The following TRPM8 variants were observed in gnomAD, a reference collection of about 807,000 sequenced individuals.
The protein encoded by TRPM8 is TRPM8 cationic channel.
A neutral mutation model predicts 133.7 loss-of-function variants in TRPM8; 110 were observed. That is an observed-to-expected ratio of 0.82 (90% confidence interval 0.70 to 0.96). The LOEUF (loss-of-function observed/expected upper bound fraction) is 0.96. TRPM8 is among the 40% of genes least tolerant of loss of function. The pLI is 0.00. For missense variants in TRPM8, 1,291 were observed against 1,379.5 expected (o/e 0.94, Z 1.02); for synonymous variants, 535 against 532.3 (o/e 1.01, Z -0.07).
At chr2:233,925,456 G>A (rs896848170) in intron 1 of TRPM8, among the ~76,000 whole-genome samples, 1 of 152,218 alleles carries the variant, frequency 6.6e-6, no homozygotes, top group African/African-American at 2.4e-5. Context: ...AGTGAGCTGA[G>A]CCTGGAGGAT....
intron 10 of TRPM8, chr2:233,954,920 C>T (rs1026569974): frequency 2.1e-6 from 1 of 483,420 alleles, no homozygotes; most frequent in Non-Finnish European, 3.7e-6. Context: ...ATTACTGTAG[C>T]CTGAGTTGAT....
intron 8 of TRPM8, among the ~76,000 whole-genome samples, chr2:233,948,740 TACCC>T (rs1402999463): frequency 6.6e-6 from 1 of 151,920 alleles, no homozygotes; most frequent in Non-Finnish European, 1.5e-5. Context: ...TAGGAGAAAA[TACCC>T]AGCCAGGGCC....
chr2:234,017,685 T>C lies in TRPM8; in HGVS notation c.*429T>C, dbSNP rs185803362. On this transcript the variant is annotated 3_prime_UTR_variant, in exon 26 of 26. Transcript: ENST00000324695. ...TTTTGTTCATTTCCAATTGATTCTCTACTTTTCCCTTTTTTGTATTATGTG... is the reference window on the plus strand; with the variant it reads ...TTTTGTTCATTTCCAATTGATTCTCCACTTTTCCCTTTTTTGTATTATGTG... 685 of 163,700 alleles carry C rather than the reference T, an allele frequency of 4.2e-3. 3 individuals carry two copies. Among genetic ancestry groups the C allele is most frequent in the African/African-American group, 0.016 (663 of 41,698 alleles). The allele number at this position is 163,700 out of a possible 1,614,324, so 10.1% of individuals were successfully genotyped here. A position where few individuals can be genotyped will look rare whatever the true frequency, so the allele number is the denominator to read the frequency against.
Position 233,983,154 on chromosome 2 carries a change from G to A in TRPM8, c.2691G>A (p.Arg897=), listed in dbSNP as rs1212893305. ...GILRQNEQRW[R]WIFRSVIYEP... is the part of the protein sequence containing the mutation. ...TTAGGCAGAATGAGCAGCGCTGGAG[G>A]TGGATATTCCGTTCGGTCATCTACG... Residue 897 remains arginine, a synonymous_variant, in exon 20 of 26, where the codon AGG becomes AGA. Coordinates refer to ENST00000324695, the MANE Select transcript of TRPM8 (RefSeq NM_024080.5). 2 of 1,614,176 alleles carry A rather than the reference G, an allele frequency of 1.2e-6. No homozygotes were observed. The highest frequency in any genetic ancestry group is 1.7e-5 in the Admixed American group (1 of 60,024).
intron 1 of TRPM8, among the ~76,000 whole-genome samples, chr2:233,926,113 C>G (rs975116109): frequency 2.0e-5 from 3 of 152,162 alleles, no homozygotes; most frequent in Non-Finnish European, 4.4e-5. Flanking sequence ...AGGCTGCTAG[C>G]CATAGTCTGC....
chr2:233,953,418 G>A (rs961476655), intron 9 of TRPM8, among the ~76,000 whole-genome samples: 5 of 152,164 alleles, frequency 3.3e-5, no homozygotes, highest in Admixed American at 6.5e-5. Context: ...TTTTTAAAAC[G>A]TCTTAAAATT....
At chr2:233,928,765 C>T (rs748237605) in intron 2 of TRPM8, among the ~76,000 whole-genome samples, 2 of 152,172 alleles carry the variant, frequency 1.3e-5, no homozygotes, top group Non-Finnish European at 2.9e-5. Context: ...TTGTGCCCAC[C>T]ACCAGCTTGA....
intron 22 of TRPM8, among the ~76,000 whole-genome samples, chr2:233,998,444 T>G (rs1385924207): frequency 6.6e-6 from 1 of 152,234 alleles, no homozygotes; most frequent in African/African-American, 2.4e-5. Context: ...ATCTTAGTAC[T>G]GAGAGTCCTG....
Position 233,930,686 on chromosome 2 carries a change from C to G in TRPM8, c.136C>G (p.Gln46Glu). The change falls in exon 3 of 26, where the codon CAA (glutamine) becomes GAA (glutamate). Residue 46 changes from glutamine to glutamate, a missense_variant. Gln to Glu is a conservative substitution (Grantham distance 29, BLOSUM62 2). This residue lies in a region of TRPM8 where 963 missense variants were observed against 968.9 expected (regional missense o/e 0.99). Coordinates refer to ENST00000324695, the MANE Select transcript of TRPM8 (RefSeq NM_024080.5). ...YSESDLVNFIQANFKKRECVF... is the reference protein window; with the variant it reads ...YSESDLVNFIEANFKKRECVF... ...TCCAAAGGACTTGGTGAATTTTATT[C>G]AAGCAAATTTTAAGAAACGAGAATG... 1 of 1,608,318 alleles carries G rather than the reference C, an allele frequency of 6.2e-7. No homozygotes were observed. Among genetic ancestry groups the G allele is most frequent in the Non-Finnish European group, 8.5e-7 (1 of 1,175,838 alleles).
In TRPM8 at chr2:233,932,211, G is replaced by A. The variant is rs538904255; in HGVS notation, c.191+1470G>A. On this transcript the variant is annotated intron_variant, in intron 3 of 25. Coordinates refer to ENST00000324695, the MANE Select transcript of TRPM8 (RefSeq NM_024080.5). ...CCAGATCCAGGGCTTCAACAACGTC[G>A]CCGAGACTCTGTCTCTTTCCACCTG... is the stretch of plus-strand genomic sequence containing the variant. 1.2e-4 allele frequency among the ~76,000 whole-genome samples: 18 copies of A among 152,314 alleles called. No homozygotes were observed. In the East Asian group the frequency reaches 3.5e-3, roughly 29 times the overall value.
chr2:233,980,389 A>G (rs1478938510), intron 18 of TRPM8, 110 bp downstream of exon 18: 7 of 681,344 alleles, frequency 1.0e-5, no homozygotes, highest in Admixed American at 3.4e-5. Context: ...ATTAGAGATT[A>G]TTACACAAGA....
chr2:233,955,592 GC>G (rs1368117256), intron 11 of TRPM8, among the ~76,000 whole-genome samples: 8 of 152,170 alleles, frequency 5.3e-5, no homozygotes, highest in Admixed American at 2.0e-4. Flanking sequence ...AAAAATATAT[GC>G]TAGATGATTG....
At chr2:234,012,781 C>T (rs1692873860) in intron 24 of TRPM8, among the ~76,000 whole-genome samples, 1 of 151,436 alleles carries the variant, frequency 6.6e-6, no homozygotes, top group Admixed American at 6.6e-5. Context: ...TAGTAAGTTC[C>T]TTCTATATCG....
Position 233,963,286 on chromosome 2 carries a change from T to A in TRPM8, c.1658T>A (p.Val553Glu). ...CCACATGCTCTAACCCCCCAGGACG[T>A]GTCTCCTATTACTCGGCACCCCCTG... ...RDEMDIELHD[V>E]SPITRHPLQA... The change falls in exon 13 of 26, where the codon GTG becomes GAG. Residue 553 changes from valine (V) to glutamate (E), a missense_variant. Physicochemically the swap from Val to Glu is moderately radical, Grantham distance 121 (BLOSUM62 -2). Around this residue, in one of 2 missense-constraint regions of TRPM8, gnomAD observed 963 missense variants for 968.9 expected, o/e 0.99. Transcript: ENST00000324695. 6.2e-7 allele frequency: 1 copy of A among 1,611,380 alleles called. No individual in the cohort carries two copies. The highest frequency in any genetic ancestry group is 8.5e-7 in the Non-Finnish European group (1 of 1,177,888).
intron 22 of TRPM8, among the ~76,000 whole-genome samples, chr2:234,002,688 T>C (rs1236848750): frequency 6.6e-6 from 1 of 152,102 alleles, no homozygotes; most frequent in Non-Finnish European, 1.5e-5. Context: ...GAAAAGTCGC[T>C]GTTAGATAGG....
intron 6 of TRPM8, 94 bp downstream of exon 6, chr2:233,942,842 C>A: frequency 6.8e-7 from 1 of 1,463,032 alleles, no homozygotes; most frequent in Non-Finnish European, 9.6e-7. Context: ...TGTGATGGAG[C>A]CAGCCAGATC....
chr2:233,970,452 C>G, intron 17 of TRPM8, 26 bp downstream of exon 17: 1 of 1,602,778 alleles, frequency 6.2e-7, no homozygotes, highest in Non-Finnish European at 8.5e-7. Flanking sequence ...CAGCAGGAAC[C>G]CCCTCGCTTC....
At chr2:233,945,707 C>T (rs532114265) in intron 6 of TRPM8, 149 bp from the exon 7 acceptor site, 9 of 615,412 alleles carry the variant, frequency 1.5e-5, no homozygotes, top group African/African-American at 1.8e-5. Context: ...ACTATAAGAT[C>T]GCTAAGACCC....
At chr2:234,000,681 CTT>C (rs11312917) in intron 22 of TRPM8, among the ~76,000 whole-genome samples, 4,571 of 145,478 alleles carry the variant, frequency 0.031, 104 homozygotes, top group Non-Finnish European at 0.044. Context: ...AAGAAACAAC[CTT>C]TTTTTTTTTT....
Sources: allele counts gnomAD v4.1 joint callset (sites outside exome capture counted in the v4.1 genomes callset), GRCh38; gene constraint gnomAD v4.1.1; regional missense constraint gnomAD v4.1.1; transcripts MANE v1.5; gene names NCBI Gene and HGNC (gene_info 2026-07-23, HGNC 2026-07-21).